RFFL: variants seen among roughly 807,000 people sequenced by gnomAD.
The protein encoded by RFFL is ring finger and FYVE like domain containing E3 ubiquitin protein ligase.
A neutral mutation model predicts 40.4 loss-of-function variants in RFFL; 16 were observed. The observed-to-expected ratio is 0.40, with a 90% CI of 0.27 to 0.60. The LOEUF (loss-of-function observed/expected upper bound fraction) is 0.60, where lower values mean the gene tolerates loss of function less well. Ranked by LOEUF, RFFL falls within the 20% of genes least tolerant of loss-of-function variation. The pLI, the probability that RFFL is intolerant of heterozygous loss-of-function variation, is 0.47. For synonymous variants in RFFL, 154 were observed against 167.9 expected, an observed-to-expected ratio of 0.92 and a Z score of 0.64; for missense variants, 367 against 451.7, an observed-to-expected ratio of 0.81 and a Z score of 1.70.
intron 1 of RFFL, among the ~76,000 whole-genome samples, chr17:35,085,593 C>T (rs1200250678): frequency 2.0e-5 from 3 of 152,106 alleles, no homozygotes; most frequent in South Asian, 2.1e-4. Flanking sequence ...CCATGCCCGG[C>T]TAATTTTGTG....
intron 6 of RFFL, among the ~76,000 whole-genome samples, chr17:35,013,132 A>G (rs899904565): frequency 1.3e-5 from 2 of 152,260 alleles, no homozygotes; most frequent in Non-Finnish European, 2.9e-5. Flanking sequence ...CATTTTATAG[A>G]TGAGGCCAAC....
intron 2 of RFFL, among the ~76,000 whole-genome samples, chr17:35,024,559 C>T (rs993341004): frequency 6.6e-6 from 1 of 152,130 alleles, no homozygotes; most frequent in African/African-American, 2.4e-5. Flanking sequence ...CCTGCCATTT[C>T]TCTTTAGGAC....
intron 1 of RFFL, among the ~76,000 whole-genome samples, chr17:35,047,292 T>G (rs1384506076): frequency 3.3e-5 from 5 of 152,166 alleles, no homozygotes; most frequent in Admixed American, 6.5e-5. Context: ...AGGCTCAAAA[T>G]TATGCAATTT....
chr17:35,072,679 G>A (rs1284586125), intron 1 of RFFL, among the ~76,000 whole-genome samples: 2 of 151,986 alleles, frequency 1.3e-5, no homozygotes, highest in Non-Finnish European at 2.9e-5. Flanking sequence ...AACGGGTGAC[G>A]GGTACATGGG....
At chr17:35,035,137 C>A (rs111747644) in intron 1 of RFFL, among the ~76,000 whole-genome samples, 11 of 152,064 alleles carry the variant, frequency 7.2e-5, no homozygotes, top group Non-Finnish European at 1.5e-4. Context: ...TGGCTGGGCG[C>A]GGTGGCTCAG....
upstream of RFFL, among the ~76,000 whole-genome samples, chr17:35,066,665 A>C (rs2091322262): frequency 6.6e-6 from 1 of 152,102 alleles, no homozygotes; most frequent in Admixed American, 6.5e-5. Context: ...TCTCCCTTTT[A>C]TCTACTTCCC....
At chr17:35,067,922 C>T (rs2091328987), upstream of RFFL, among the ~76,000 whole-genome samples, 1 of 152,172 alleles carries the variant, frequency 6.6e-6, no homozygotes, top group Non-Finnish European at 1.5e-5. Context: ...TCCGCTCACC[C>T]ACAAGAACCA....
intron 5 of RFFL, among the ~76,000 whole-genome samples, chr17:35,016,094 A>T (rs897838602): frequency 1.3e-5 from 2 of 152,256 alleles, no homozygotes; most frequent in Non-Finnish European, 2.9e-5. Flanking sequence ...CTTAGACCAT[A>T]AAATTTTCAG....
chr17:35,042,940 T>C (rs994301476), intron 1 of RFFL, among the ~76,000 whole-genome samples: 1 of 152,028 alleles, frequency 6.6e-6, no homozygotes, highest in African/African-American at 2.4e-5. Context: ...TAAAGAGCCC[T>C]GCTGAAGTGG....
intron 1 of RFFL, among the ~76,000 whole-genome samples, chr17:35,032,094 C>CAA (rs11308568): frequency 4.9e-5 from 4 of 82,128 alleles, no homozygotes; most frequent in Admixed American, 1.4e-4. Context: ...GACTCCGTCT[C>CAA]AAAAAAAAAA....
At chr17:35,069,192 C>T in intron 1 of RFFL, 1 of 455,676 alleles carries the variant, frequency 2.2e-6, no homozygotes, top group Non-Finnish European at 4.4e-6. Flanking sequence ...TACACACACT[C>T]ACATGCTCTG....
chr17:35,016,313 G>T, intron 5 of RFFL, 57 bp downstream of exon 5: 1 of 1,484,978 alleles, frequency 6.7e-7, no homozygotes, highest in Non-Finnish European at 9.4e-7. Flanking sequence ...ATCATGCTTT[G>T]GAGTGACAGC....
chr17:35,078,666 C>T (rs887443005), intron 1 of RFFL, among the ~76,000 whole-genome samples: 7 of 152,112 alleles, frequency 4.6e-5, no homozygotes, highest in African/African-American at 1.7e-4. Context: ...TTCCATTTTT[C>T]CCCATCTTAA....
At chr17:35,012,698 G>A (rs2090948459) in intron 6 of RFFL, among the ~76,000 whole-genome samples, 1 of 152,138 alleles carries the variant, frequency 6.6e-6, no homozygotes. Context: ...CTACTCCCAG[G>A]TTTCCTGAGG....
Position 35,021,575 on chromosome 17 carries a change from C to T in RFFL, c.387G>A (p.Leu129=), listed in dbSNP as rs745678540. The T allele has an allele frequency of 6.2e-7, 1 of 1,614,032 alleles. No homozygotes were observed. The highest frequency in any genetic ancestry group is 8.5e-7 in the Non-Finnish European group (1 of 1,179,888). ...GCTGCTGGCCAAGGACCAAGAGCAC[C>T]AGCTCTTCTTTCTCCCGGCACATTT... ...STEMCREKEE[L]VLLVLGQQPV... Residue 129 remains leucine, a synonymous_variant, in exon 3 of 7, where the codon CTG becomes CTA. Transcript: ENST00000394597.
chr17:35,039,826 C>G (rs1454209186), intron 1 of RFFL, among the ~76,000 whole-genome samples: 2 of 152,066 alleles, frequency 1.3e-5, no homozygotes, highest in Non-Finnish European at 2.9e-5. Context: ...TACAGGCATA[C>G]AACTCCATGC....
intron 1 of RFFL, among the ~76,000 whole-genome samples, chr17:35,079,210 A>AC (rs2091392255): frequency 6.6e-6 from 1 of 152,056 alleles, no homozygotes; most frequent in Admixed American, 6.5e-5. Flanking sequence ...TTTAGTAGAG[A>AC]CGAGGGTTTC....
intron 1 of RFFL, among the ~76,000 whole-genome samples, chr17:35,039,005 C>A (rs1383651428): frequency 6.6e-6 from 1 of 151,654 alleles, no homozygotes; most frequent in East Asian, 1.9e-4. Flanking sequence ...ACCTCCCAGG[C>A]TTACGTGATC....
At chr17:35,026,667 C>T in intron 1 of RFFL, 106 bp from the exon 2 acceptor site, 1 of 821,934 alleles carries the variant, frequency 1.2e-6, no homozygotes, top group Non-Finnish European at 1.9e-6. Context: ...TGCACGCATG[C>T]CACCAAGGTG....
Sources: gnomAD v4.1 joint callset for allele counts (sites outside exome capture counted in the v4.1 genomes callset) on GRCh38, gnomAD v4.1.1 for gene constraint, MANE v1.5 for transcripts, NCBI Gene and HGNC (gene_info 2026-07-23, HGNC 2026-07-21) for gene names.